Variants in GASK1A observed in about 807,000 individuals in gnomAD.
GASK1A encodes golgi associated kinase 1A.
GASK1A carries 40 observed loss-of-function variants against 41.2 expected under a neutral mutation model. The ratio of observed to expected loss-of-function variants is 0.97; its 90% CI spans 0.75 to 1.27. GASK1A has a LOEUF of 1.27. Ranked by LOEUF, GASK1A falls within the 50% of genes most tolerant of loss-of-function variation. The pLI is 0.00. For missense variants in GASK1A, 678 were observed against 745.1 expected, an observed-to-expected ratio of 0.91 and a Z score of 1.05; for synonymous variants, 316 against 307.1, an observed-to-expected ratio of 1.03 and a Z score of -0.30.
Position 43,056,916 on chromosome 3 carries a change from T to C in GASK1A, c.*530T>C, listed in dbSNP as rs760381308. The C allele has an allele frequency of 6.6e-6, 1 of 152,170 alleles. No individual in the cohort carries two copies. Among genetic ancestry groups the C allele is most frequent in the Non-Finnish European group, 1.5e-5 (1 of 68,062 alleles). 9.4% of individuals were successfully genotyped at this position (152,170 alleles called of 1,614,324 possible). On this transcript the variant is annotated 3_prime_UTR_variant, in exon 5 of 5. Transcript: ENST00000430121. Reference sequence around the variant, plus strand: ...TCAGTTATGTTTTTGGTTTAAAAAATTATAAAAGTCTAAAAGTAATACATG... The same window carrying C: ...TCAGTTATGTTTTTGGTTTAAAAAACTATAAAAGTCTAAAAGTAATACATG...
rs2089590176 is a variant in GASK1A, at chr3:43,033,452, G to A, written c.1189G>A (p.Ala397Thr). ...SLALGWLQYQ[A>T]LLAHSCNWPG... ...GGCCTTGGGCTGGCTGCAGTATCAG[G>A]CCCTGCTGGCACACAGCTGCAACTG... The change falls in exon 2 of 5, where the codon GCC becomes ACC. Residue 397 changes from alanine (A) to threonine (T), a missense_variant. Physicochemically the swap from Ala to Thr is moderately conservative, Grantham distance 58. Transcript: ENST00000430121. 1.2e-5 allele frequency: 18 copies of A among 1,551,204 alleles called. No homozygotes were observed. The highest frequency in any genetic ancestry group is 1.6e-5 in the Non-Finnish European group (18 of 1,146,994).
intron 2 of GASK1A, among the ~76,000 whole-genome samples, chr3:43,046,150 G>A (rs1324066050): frequency 6.6e-6 from 1 of 152,192 alleles, no homozygotes; most frequent in Non-Finnish European, 1.5e-5. Flanking sequence ...GTTGGAACAG[G>A]CAGAGTTTGG....
Position 42,984,700 on chromosome 3 carries a change from T to C in GASK1A, c.3+5055T>C, listed in dbSNP as rs557816530. On this transcript the variant is annotated intron_variant, in intron 1 of 4. Coordinates refer to ENST00000430121, the MANE Select transcript of GASK1A (RefSeq NM_001129908.3). This position sits in a 1 kb window ranked among gnomAD's most constrained non-coding sequence, Gnocchi z 4.2. The stretch of plus-strand genomic sequence containing the variant: ...AAGTGACTTTATTCTAAAGCTTAGC[T>C]TAGGGGAAGAGGTACAGGCTCCTGC... 3.3e-5 allele frequency among the ~76,000 whole-genome samples: 5 copies of C among 152,286 alleles called. No individual in the cohort carries two copies. The South Asian group carries it at 1.0e-3, about 32-fold the overall frequency.
intron 1 of GASK1A, among the ~76,000 whole-genome samples, chr3:42,996,677 G>A (rs1318775563): frequency 6.6e-6 from 1 of 152,246 alleles, no homozygotes; most frequent in Non-Finnish European, 1.5e-5. Context: ...CTAGGCTGGT[G>A]ATGGCAGGAA....
intron 1 of GASK1A, among the ~76,000 whole-genome samples, chr3:42,990,022 T>C (rs1161286889): frequency 6.6e-6 from 1 of 152,116 alleles, no homozygotes; most frequent in African/African-American, 2.4e-5. Flanking sequence ...CTGGGAGGTC[T>C]GCATGGTCAA....
At chr3:42,980,247 A>G (rs1025010667) in intron 1 of GASK1A, among the ~76,000 whole-genome samples, 4 of 152,092 alleles carry the variant, frequency 2.6e-5, no homozygotes, top group Admixed American at 2.6e-4. Flanking sequence ...TGAAACCAGG[A>G]TCTTGTGGAC....
At chr3:43,024,906 A>G (rs1331105065) in intron 1 of GASK1A, among the ~76,000 whole-genome samples, 5 of 152,152 alleles carry the variant, frequency 3.3e-5, no homozygotes, top group Non-Finnish European at 7.3e-5. Flanking sequence ...CGGCGAGGAC[A>G]TCCAATTCAT....
At chr3:43,014,225 G>A (rs545569413) in intron 1 of GASK1A, among the ~76,000 whole-genome samples, 1 of 152,256 alleles carries the variant, frequency 6.6e-6, no homozygotes, top group East Asian at 1.9e-4. Context: ...GGTAGTCACA[G>A]GAAGGTGCTG....
intron 4 of GASK1A, 85 bp downstream of exon 4, chr3:43,055,620 C>A: frequency 1.1e-6 from 1 of 910,644 alleles, no homozygotes. Context: ...CAACTGTGGC[C>A]CTGAGAAGCC....
intron 1 of GASK1A, among the ~76,000 whole-genome samples, chr3:42,995,646 G>T (rs974022033): frequency 1.3e-5 from 2 of 150,376 alleles, no homozygotes; most frequent in Non-Finnish European, 3.0e-5. Context: ...ATTCTGTCCT[G>T]AAGTGTTCCT....
intron 1 of GASK1A, among the ~76,000 whole-genome samples, chr3:42,998,488 G>A (rs561301798): frequency 3.3e-4 from 51 of 152,240 alleles, no homozygotes; most frequent in Non-Finnish European, 5.6e-4. Flanking sequence ...CAGTTATTAT[G>A]TCCCTGCGAC....
chr3:43,033,575 G>A, intron 2 of GASK1A, 22 bp downstream of exon 2: 1 of 1,504,592 alleles, frequency 6.6e-7, no homozygotes. Flanking sequence ...TGGGCAGCAG[G>A]GGTAGAGAGC....
intron 1 of GASK1A, among the ~76,000 whole-genome samples, chr3:43,023,745 C>G (rs1395046536): frequency 6.6e-6 from 1 of 152,116 alleles, no homozygotes; most frequent in Non-Finnish European, 1.5e-5. Flanking sequence ...TAGGGGGTGA[C>G]AAGGCATCAT....
rs572040149 is a variant in GASK1A, at chr3:43,001,558, A to T, written c.3+21913A>T. On this transcript the variant is annotated intron_variant, in intron 1 of 4. Coordinates refer to ENST00000430121, the MANE Select transcript of GASK1A (RefSeq NM_001129908.3). Reference sequence around the variant, plus strand: ...TGTTTGTGAACATGAAGCTGCAGACAGGGAGCTGAGGGGAAATATTGATTA... The same window carrying T: ...TGTTTGTGAACATGAAGCTGCAGACTGGGAGCTGAGGGGAAATATTGATTA... 4.6e-5 allele frequency among the ~76,000 whole-genome samples: 7 copies of T among 152,358 alleles called. No homozygotes were observed. In the South Asian group the frequency reaches 8.3e-4, roughly 18 times the overall value.
At chr3:43,053,017 T>C (rs1297090397) in intron 2 of GASK1A, among the ~76,000 whole-genome samples, 2 of 152,130 alleles carry the variant, frequency 1.3e-5, no homozygotes, top group Non-Finnish European at 2.9e-5. Context: ...GCACACCACA[T>C]TGAGGATGTC....
At chr3:43,037,255 C>T (rs1302370104) in intron 2 of GASK1A, 10 of 1,007,688 alleles carry the variant, frequency 9.9e-6, no homozygotes, top group Middle Eastern at 2.1e-4. Context: ...GAAAATGGAG[C>T]GATGGCCGAG....
intron 1 of GASK1A, among the ~76,000 whole-genome samples, chr3:43,001,707 G>C (rs964193695): frequency 6.6e-6 from 1 of 152,208 alleles, no homozygotes. Context: ...GGAAGGTAAA[G>C]GTGAAGGTGG....
At chr3:42,985,590 C>T (rs1022062470) in intron 1 of GASK1A, among the ~76,000 whole-genome samples, 188 of 88,704 alleles carry the variant, frequency 2.1e-3, no homozygotes, top group Middle Eastern at 7.4e-3. Context: ...TGTGTGTGGG[C>T]GGAGGCAGGG....
chr3:42,989,064 A>G (rs903905751), intron 1 of GASK1A, among the ~76,000 whole-genome samples: 3 of 152,254 alleles, frequency 2.0e-5, no homozygotes, highest in Admixed American at 6.5e-5. Flanking sequence ...CAGTCAAACC[A>G]TAACATTAGC....
Sources: allele counts gnomAD v4.1 joint callset (sites outside exome capture counted in the v4.1 genomes callset), GRCh38; gene constraint gnomAD v4.1.1; non-coding constraint Gnocchi (gnomAD v3.1); transcripts MANE v1.5; gene names NCBI Gene and HGNC (gene_info 2026-07-23, HGNC 2026-07-21).